The following PDXDC1 variants were observed in gnomAD, a reference collection of about 807,000 sequenced individuals.
PDXDC1 encodes the protein pyridoxal dependent decarboxylase domain containing 1.
In PDXDC1, 42 loss-of-function variants were observed where a neutral mutation model predicts 100.1. That is an observed-to-expected ratio of 0.42 (90% CI 0.33 to 0.54). PDXDC1 has a LOEUF of 0.54. PDXDC1 is among the 20% of genes least tolerant of loss of function. PDXDC1 has a pLI of 0.10. For missense variants in PDXDC1, 636 were observed against 979.2 expected (o/e 0.65, Z 4.68); for synonymous variants, 260 against 371.7 (o/e 0.70, Z 3.46).
intron 16 of PDXDC1, chr16:15,094,615 G>A (rs546258125): frequency 7.0e-6 from 2 of 285,236 alleles, no homozygotes; most frequent in Non-Finnish European, 6.7e-6. Flanking sequence ...ACTTGTGACT[G>A]ACCCAGATCT....
the PDXDC1 span, among the ~76,000 whole-genome samples, chr16:15,146,965 G>T: frequency 2.6e-4 from 40 of 152,236 alleles, no homozygotes; most frequent in Admixed American, 4.6e-4. Flanking sequence ...GAGGCGCTGG[G>T]ACGTGAACCC....
At chr16:15,111,080 A>G (rs1202567852) in intron 16 of PDXDC1, among the ~76,000 whole-genome samples, 4 of 148,632 alleles carry the variant, frequency 2.7e-5, no homozygotes, top group African/African-American at 9.8e-5. Context: ...GTGAGCGGAG[A>G]TCACACCACT....
intron 1 of PDXDC1, among the ~76,000 whole-genome samples, chr16:14,993,267 T>C (rs1169785350): frequency 6.6e-6 from 1 of 152,170 alleles, no homozygotes; most frequent in Non-Finnish European, 1.5e-5. Context: ...ACATTAGTTA[T>C]ATCTCCTAAT....
chr16:15,079,374 C>T (rs1161773602), intron 16 of PDXDC1, among the ~76,000 whole-genome samples: 3 of 152,208 alleles, frequency 2.0e-5, no homozygotes, highest in Non-Finnish European at 4.4e-5. Context: ...GGAAAAATCA[C>T]TTCCGTAAGA....
intron 16 of PDXDC1, chr16:15,130,578 G>A: frequency 4.4e-6 from 6 of 1,362,980 alleles, no homozygotes; most frequent in South Asian, 1.2e-5. Flanking sequence ...TGTAACCCGG[G>A]CAATGCTGAC....
At chr16:15,033,176 G>T in intron 18 of PDXDC1, 102 bp from the exon 19 acceptor site, 1 of 1,301,508 alleles carries the variant, frequency 7.7e-7, no homozygotes, top group Admixed American at 1.7e-5. Flanking sequence ...CCATGGAGGA[G>T]ACCCCTTTGT....
At chr16:15,089,827 G>A (rs920866618) in intron 16 of PDXDC1, among the ~76,000 whole-genome samples, 2 of 146,554 alleles carry the variant, frequency 1.4e-5, no homozygotes, top group Non-Finnish European at 3.0e-5. Context: ...TAAAGGATCA[G>A]GAGACAGGAG....
intron 1 of PDXDC1, among the ~76,000 whole-genome samples, chr16:14,975,983 T>A (rs1966777511): frequency 6.6e-6 from 1 of 152,292 alleles, no homozygotes. Context: ...GATCCCCGAG[T>A]CAACTCGAAA....
At chr16:15,089,413 A>C (rs927492616) in intron 16 of PDXDC1, among the ~76,000 whole-genome samples, 3 of 152,170 alleles carry the variant, frequency 2.0e-5, no homozygotes, top group African/African-American at 7.2e-5. Context: ...AGGAGATCAC[A>C]CAGAAGAATC....
chr16:15,131,334 G>A (rs2048047473), intron 16 of PDXDC1: 1 of 1,561,164 alleles, frequency 6.4e-7, no homozygotes, highest in Non-Finnish European at 8.7e-7. Context: ...CCACCTTGGT[G>A]GAGACGGTGT....
intron 16 of PDXDC1, chr16:15,070,243 G>T (rs1480442262): frequency 2.5e-6 from 4 of 1,611,324 alleles, no homozygotes; most frequent in East Asian, 4.5e-5. Context: ...ATCTAGGCAT[G>T]ATTTTACAGT....
intron 5 of PDXDC1, among the ~76,000 whole-genome samples, chr16:15,004,691 G>T (rs1391974775): frequency 6.6e-6 from 1 of 152,224 alleles, no homozygotes; most frequent in East Asian, 1.9e-4. Flanking sequence ...TTATCCTTGG[G>T]TGTCCTTGGG....
In PDXDC1 at chr16:15,079,849, G is replaced by A. The variant is rs56264630; in HGVS notation, c.1399+49793G>A. ...TGACCTCAGGTGATCTGCCTGCCTCGGCCTCCCAAAGTGCTGGGAATACAG... is the reference window on the plus strand; with the variant it reads ...TGACCTCAGGTGATCTGCCTGCCTCAGCCTCCCAAAGTGCTGGGAATACAG... On this transcript the variant is annotated intron_variant, in intron 16 of 16. Coordinates refer to the PDXDC1 transcript ENST00000535621. 64 of 823,512 alleles carry A rather than the reference G, an allele frequency of 7.8e-5. No homozygotes were observed. The South Asian group carries it at 7.8e-4, about 10-fold the overall frequency. 51.0% of individuals were successfully genotyped at this position (823,512 alleles called of 1,614,324 possible).
At chr16:15,060,185 C>A (rs1010598166) in intron 16 of PDXDC1, 1 of 418,236 alleles carries the variant, frequency 2.4e-6, no homozygotes, top group South Asian at 1.8e-5. Flanking sequence ...TACTTCCCAA[C>A]CCACAAAGAC....
rs1034529815 is a variant in PDXDC1, at chr16:15,045,143, AAAG to A, written c.1399+15090_1399+15092del. ...TATCTCAAAAAAAAAAAAAAAAAGAAAAGAAATTAGCCGGGCATGGTGGCACAC... is the reference window on the plus strand; with the variant it reads ...TATCTCAAAAAAAAAAAAAAAAAGAAAAATTAGCCGGGCATGGTGGCACAC... On this transcript the variant is annotated intron_variant, in intron 16 of 16. Transcript: ENST00000535621. 277 of 150,904 alleles carry A rather than the reference AAAG, an allele frequency of 1.8e-3. 1 individual carries two copies. Among genetic ancestry groups the A allele is most frequent in the African/African-American group, 5.6e-3 (230 of 41,018 alleles). 9.3% of individuals were successfully genotyped at this position (150,904 alleles called of 1,614,324 possible).
At chr16:14,996,718 A>T (rs1423194034) in intron 1 of PDXDC1, among the ~76,000 whole-genome samples, 5 of 152,276 alleles carry the variant, frequency 3.3e-5, no homozygotes, top group East Asian at 1.9e-4. Flanking sequence ...TTAGCCAGGC[A>T]TGGTGGCGAG....
At chr16:15,085,931 A>G (rs35429473) in intron 16 of PDXDC1, among the ~76,000 whole-genome samples, 15,075 of 152,228 alleles carry the variant, frequency 0.099, 971 homozygotes, top group Middle Eastern at 0.19. Context: ...AATAAAGCAA[A>G]TAAATTCATA....
At chr16:15,140,439 C>T (rs1402667198), downstream of PDXDC1, among the ~76,000 whole-genome samples, 3 of 132,078 alleles carry the variant, frequency 2.3e-5, no homozygotes, top group Non-Finnish European at 4.7e-5. Context: ...AAGAGTGAAG[C>T]TCCATCTCAA....
At chr16:14,979,035 G>T (rs1403497146) in intron 1 of PDXDC1, among the ~76,000 whole-genome samples, 1 of 152,276 alleles carries the variant, frequency 6.6e-6, no homozygotes. Context: ...GGGGTAGAGG[G>T]AATTGCCTGT....
Sources: gnomAD v4.1 joint callset for allele counts (sites outside exome capture counted in the v4.1 genomes callset) on GRCh38, gnomAD v4.1.1 for gene constraint, MANE v1.5 for transcripts, NCBI Gene and HGNC (gene_info 2026-07-23, HGNC 2026-07-21) for gene names.